The following USP33 variants were observed in gnomAD, a reference collection of about 807,000 sequenced individuals.
The protein encoded by USP33 is ubiquitin carboxyl-terminal hydrolase 33.
Under a neutral mutation model 124.2 loss-of-function variants are expected in USP33, and 46 were observed. The observed-to-expected ratio is 0.37, with a 90% CI of 0.29 to 0.47. The LOEUF is 0.47. Among genes scored for constraint, USP33 ranks in the 20% least tolerant of loss-of-function variants. USP33 has a pLI of 0.99. For missense variants in USP33, 851 were observed against 1,070.6 expected, an observed-to-expected ratio of 0.79 and a Z score of 2.86; for synonymous variants, 350 against 352.3, an observed-to-expected ratio of 0.99 and a Z score of 0.07.
rs1284617550 is a variant in USP33, at chr1:77,696,161, C to T, written c.*1156G>A. ...AAACTTTTGACATTACATAATCAAG[C>T]AAATAGCAGTGCATACTATATTATT... is the stretch of plus-strand genomic sequence containing the variant. On this transcript the variant is annotated 3_prime_UTR_variant, in exon 24 of 24. Transcript: ENST00000370794. 2 of 152,118 alleles carry T rather than the reference C, an allele frequency of 1.3e-5. No individual in the cohort carries two copies. Among genetic ancestry groups the T allele is most frequent in the African/African-American group, 4.8e-5 (2 of 41,416 alleles). 9.4% of individuals were successfully genotyped at this position (152,118 alleles called of 1,614,324 possible).
chr1:77,709,312 C>T (rs1316981395), intron 21 of USP33, among the ~76,000 whole-genome samples: 2 of 151,938 alleles, frequency 1.3e-5, no homozygotes, highest in African/African-American at 4.8e-5. Flanking sequence ...AATTAGAGAC[C>T]AGCCTGAGCA....
At chr1:77,708,084 T>C (rs937579234) in intron 21 of USP33, among the ~76,000 whole-genome samples, 1 of 152,190 alleles carries the variant, frequency 6.6e-6, no homozygotes. Context: ...GGCAGAAGCA[T>C]GATATTGTTG....
chr1:77,724,186 C>T (rs1464988284), intron 11 of USP33, among the ~76,000 whole-genome samples: 1 of 152,012 alleles, frequency 6.6e-6, no homozygotes, highest in Non-Finnish European at 1.5e-5. Flanking sequence ...GTTCGGTCTC[C>T]CTATCCTGAC....
chr1:77,706,023 CAACTAT>C (rs1292454543), intron 21 of USP33, among the ~76,000 whole-genome samples: 5 of 152,162 alleles, frequency 3.3e-5, no homozygotes, highest in Admixed American at 6.5e-5. Flanking sequence ...TTTTATTATA[CAACTAT>C]AACACATTTT....
chr1:77,730,871 T>C, intron 7 of USP33, 140 bp from the exon 8 acceptor site: 1 of 507,600 alleles, frequency 2.0e-6, no homozygotes, highest in Non-Finnish European at 3.3e-6. Context: ...TCACTTTCAT[T>C]CCTTCATAAA....
Position 77,718,153 on chromosome 1 carries a change from G to T in USP33, c.1738-106C>A, listed in dbSNP as rs543404656. 5.8e-4 allele frequency: 541 copies of T among 935,260 alleles called. 1 individual carries two copies. The highest frequency in any genetic ancestry group is 6.3e-4 in the Non-Finnish European group (404 of 639,234). 57.9% of individuals were successfully genotyped at this position (935,260 alleles called of 1,614,324 possible). ...TTTATTCAACAAGCAAGAAACTGAG[G>T]TGTTCAATCAAATTACAATTATGAA... is the stretch of plus-strand genomic sequence containing the variant. On this transcript the variant is annotated intron_variant, in intron 16 of 23. Coordinates refer to ENST00000370794, the MANE Select transcript of USP33 (RefSeq NM_201624.3).
chr1:77,725,890 TAAC>T, intron 10 of USP33, 128 bp from the exon 11 acceptor site: 1 of 912,438 alleles, frequency 1.1e-6, no homozygotes, highest in East Asian at 2.8e-5. Flanking sequence ...GTTAAATACT[TAAC>T]AAAGTGCTTA....
At chr1:77,714,267 T>G (rs554447787) in intron 19 of USP33, among the ~76,000 whole-genome samples, 11 of 152,312 alleles carry the variant, frequency 7.2e-5, no homozygotes, top group Admixed American at 7.2e-4. Flanking sequence ...AAAAATGATG[T>G]ATAATAGAGG....
chr1:77,703,879 C>T (rs1674318217), intron 21 of USP33, among the ~76,000 whole-genome samples: 2 of 152,078 alleles, frequency 1.3e-5, no homozygotes, highest in Non-Finnish European at 2.9e-5. Context: ...TAGCTGGGTG[C>T]AGTGGCACAT....
At chr1:77,719,058 T>A (rs549884611) in intron 15 of USP33, among the ~76,000 whole-genome samples, 2 of 152,202 alleles carry the variant, frequency 1.3e-5, no homozygotes, top group African/African-American at 4.8e-5. Context: ...GAGTCCCTTA[T>A]TGTAAAAAAT....
chr1:77,716,990 C>T (rs1240120972), intron 17 of USP33, among the ~76,000 whole-genome samples: 1 of 151,872 alleles, frequency 6.6e-6, no homozygotes, highest in East Asian at 2.0e-4. Flanking sequence ...CTCAGCCTCC[C>T]GAGTAGCTGG....
intron 15 of USP33, among the ~76,000 whole-genome samples, chr1:77,718,926 C>CAAAAAAA: frequency 1.9e-5 from 1 of 52,504 alleles, no homozygotes. Context: ...GACCCTGCCT[C>CAAAAAAA]AAAAAAAAAA....
intron 1 of USP33, among the ~76,000 whole-genome samples, chr1:77,757,533 A>G (rs1003798743): frequency 4.0e-5 from 6 of 151,848 alleles, no homozygotes; most frequent in African/African-American, 1.5e-4. Flanking sequence ...CTGCAGACAC[A>G]TGTACACTTT....
At chr1:77,717,069 G>A (rs2101332354) in intron 17 of USP33, among the ~76,000 whole-genome samples, 1 of 151,938 alleles carries the variant, frequency 6.6e-6, no homozygotes, top group South Asian at 2.1e-4. Context: ...GTTTCACAAT[G>A]TCGGCCAGAC....
chr1:77,743,662 C>T (rs1329511500), intron 1 of USP33, among the ~76,000 whole-genome samples: 1 of 152,042 alleles, frequency 6.6e-6, no homozygotes. Context: ...AGAAAAAAAC[C>T]ACGGGAAAGG....
intron 11 of USP33, 90 bp downstream of exon 11, chr1:77,725,532 A>G (rs1677062995): frequency 1.4e-6 from 2 of 1,465,256 alleles, no homozygotes; most frequent in Non-Finnish European, 1.8e-6. Context: ...ATCATATTTC[A>G]TAATTAACAC....
chr1:77,751,423 C>T (rs1031529054), intron 1 of USP33, among the ~76,000 whole-genome samples: 1 of 152,056 alleles, frequency 6.6e-6, no homozygotes, highest in African/African-American at 2.4e-5. Context: ...GAGACTGAGG[C>T]GGGAGGACTG....
chr1:77,710,138 A>G (rs542082200), intron 21 of USP33, among the ~76,000 whole-genome samples: 31 of 152,246 alleles, frequency 2.0e-4, no homozygotes, highest in Non-Finnish European at 3.8e-4. Flanking sequence ...TGTAGCCACC[A>G]ATGTCAGGCC....
intron 1 of USP33, among the ~76,000 whole-genome samples, chr1:77,749,412 C>T (rs1180983418): frequency 6.6e-6 from 1 of 150,870 alleles, no homozygotes. Flanking sequence ...GACGGAGTCT[C>T]GCTCTGCTGC....
Sources: gnomAD v4.1 joint callset for allele counts (sites outside exome capture counted in the v4.1 genomes callset) on GRCh38, gnomAD v4.1.1 for gene constraint, MANE v1.5 for transcripts, NCBI Gene and HGNC (gene_info 2026-07-23, HGNC 2026-07-21) for gene names.